Variants in FOLH1 observed in about 807,000 individuals in gnomAD.
FOLH1 encodes glutamate carboxypeptidase 2.
A neutral mutation model predicts 93.9 loss-of-function variants in FOLH1; 54 were observed. The observed-to-expected ratio is 0.57, with a 90% CI of 0.46 to 0.72. FOLH1 has a LOEUF of 0.72. FOLH1 is among the 30% of genes least tolerant of loss of function. FOLH1 has a pLI of 0.00. For missense variants in FOLH1, 571 were observed against 892.5 expected (o/e 0.64, Z 4.59); for synonymous variants, 249 against 303.6 (o/e 0.82, Z 1.87).
chr11:49,186,546 G>A, intron 5 of FOLH1, 98 bp downstream of exon 5: 2 of 1,324,142 alleles, frequency 1.5e-6, no homozygotes, highest in Non-Finnish European at 2.1e-6. Flanking sequence ...GAAAATAATG[G>A]TATTCATAAA....
In FOLH1 at chr11:49,154,518, C is replaced by T. The variant is rs913686306; in HGVS notation, c.1624-26G>A. The T allele has an allele frequency of 3.2e-6, 5 of 1,559,640 alleles. No homozygotes were observed. In the African/African-American group the frequency reaches 6.7e-5, roughly 21 times the overall value. On this transcript the variant is annotated intron_variant, in intron 15 of 18. Coordinates refer to ENST00000256999, the MANE Select transcript of FOLH1 (RefSeq NM_004476.3). Reference sequence around the variant, plus strand: ...CTACAGAAAAAACAACAAAACATATCTCTTATAGGATAGCTTACAAAAAAT... The same window carrying T: ...CTACAGAAAAAACAACAAAACATATTTCTTATAGGATAGCTTACAAAAAAT...
Position 49,154,485 on chromosome 11 carries a change from T to C in FOLH1, c.1631A>G (p.Asn544Ser). Residue 544 changes from asparagine (N) to serine (S), a missense_variant, in exon 16 of 19, where the codon AAC becomes AGC. Physicochemically the swap from Asn to Ser is conservative, Grantham distance 46. Coordinates refer to ENST00000256999, the MANE Select transcript of FOLH1 (RefSeq NM_004476.3). ...ATACAGTGGATAGCCGCTGAATTTG[T>C]TTGTTTCCTACAGAAAAAACAACAA... is the stretch of plus-strand genomic sequence containing the variant. ...RARYTKNWET[N>S]KFSGYPLYHS... The C allele has an allele frequency of 6.4e-7, 1 of 1,571,620 alleles. No individual in the cohort carries two copies. The highest frequency in any genetic ancestry group is 8.6e-7 in the Non-Finnish European group (1 of 1,157,640).
chr11:49,166,883 T>G (rs1227893730), intron 12 of FOLH1, among the ~76,000 whole-genome samples: 1 of 152,078 alleles, frequency 6.6e-6, no homozygotes, highest in Non-Finnish European at 1.5e-5. Context: ...CATTAAAATA[T>G]CAAATCTTAA....
intron 3 of FOLH1, among the ~76,000 whole-genome samples, chr11:49,195,894 G>A (rs1454518329): frequency 1.3e-5 from 2 of 152,158 alleles, no homozygotes; most frequent in African/African-American, 2.4e-5. Context: ...AATGGCTCAC[G>A]CCTGTAATCC....
intron 1 of FOLH1, among the ~76,000 whole-genome samples, chr11:49,207,512 T>G (rs1864110997): frequency 1.3e-5 from 2 of 152,178 alleles, no homozygotes; most frequent in Admixed American, 1.3e-4. Context: ...TGGTGATACC[T>G]TAGACTAGTC....
At chr11:49,194,991 T>C (rs932525993) in intron 3 of FOLH1, among the ~76,000 whole-genome samples, 1 of 151,948 alleles carries the variant, frequency 6.6e-6, no homozygotes, top group African/African-American at 2.4e-5. Context: ...CTCTAATTAA[T>C]AAAGGAAGCA....
intron 13 of FOLH1, among the ~76,000 whole-genome samples, chr11:49,162,003 T>C (rs1857758434): frequency 6.6e-6 from 1 of 152,260 alleles, no homozygotes; most frequent in Non-Finnish European, 1.5e-5. Flanking sequence ...ACTGTTAGGC[T>C]GATGGGCTTC....
chr11:49,158,908 G>T (rs61886488), intron 13 of FOLH1, among the ~76,000 whole-genome samples: 7,045 of 152,076 alleles, frequency 0.046, 203 homozygotes, highest in Non-Finnish European at 0.062. Flanking sequence ...TGAATGAGTG[G>T]TAATTTGTGA....
chr11:49,207,230 A>G (rs1288577389), intron 1 of FOLH1, among the ~76,000 whole-genome samples: 4 of 150,734 alleles, frequency 2.7e-5, no homozygotes, highest in African/African-American at 9.8e-5. Flanking sequence ...AGAGAATCCT[A>G]GTGGGTGGGG....
chr11:49,166,044 AC>A (rs1858363784), intron 12 of FOLH1, among the ~76,000 whole-genome samples: 1 of 152,344 alleles, frequency 6.6e-6, no homozygotes, highest in East Asian at 1.9e-4. Flanking sequence ...ATTAACCACA[AC>A]AAACTGAAGC....
At chr11:49,151,435 C>T (rs1399072256) in intron 17 of FOLH1, among the ~76,000 whole-genome samples, 1 of 152,248 alleles carries the variant, frequency 6.6e-6, no homozygotes, top group African/African-American at 2.4e-5. Context: ...CACAGACACA[C>T]ACACACACAC....
chr11:49,151,889 C>T (rs1193358705), intron 17 of FOLH1, among the ~76,000 whole-genome samples: 1 of 151,998 alleles, frequency 6.6e-6, no homozygotes, highest in Non-Finnish European at 1.5e-5. Context: ...TTATTGTTGA[C>T]TTTTTTACTC....
chr11:49,154,177 G>GCCC, intron 16 of FOLH1, 51 bp downstream of exon 16: 1 of 1,592,244 alleles, frequency 6.3e-7, no homozygotes, highest in Non-Finnish European at 8.6e-7. Flanking sequence ...ATATTTAGGA[G>GCCC]ATTAATAGAA....
chr11:49,196,582 T>C (rs2135284110), intron 3 of FOLH1, among the ~76,000 whole-genome samples: 1 of 151,582 alleles, frequency 6.6e-6, no homozygotes, highest in Admixed American at 6.6e-5. Flanking sequence ...CTAATGCTAA[T>C]ATTACAAGTT....
In FOLH1 at chr11:49,173,352, A is replaced by G; in HGVS notation, c.1225+5T>C. The G allele has an allele frequency of 6.2e-7, 1 of 1,607,862 alleles. No individual in the cohort carries two copies. Among genetic ancestry groups the G allele is most frequent in the Non-Finnish European group, 8.5e-7 (1 of 1,176,486 alleles). ...GTTTTTTTTCTTGCTGTTTGTTTGT[A>G]TTACCTTCCTTTTTCAGTGTTCCAA... On this transcript the variant is annotated splice_donor_5th_base_variant and intron_variant, in intron 10 of 18. Transcript: ENST00000256999.
In FOLH1 at chr11:49,149,538, G is replaced by A. The variant is rs553104289; in HGVS notation, c.1971-807C>T. On this transcript the variant is annotated intron_variant, in intron 17 of 18. Coordinates refer to ENST00000256999, the MANE Select transcript of FOLH1 (RefSeq NM_004476.3). ...AATAGAAAATGTTTGTGGAACACAT[G>A]GCTAGTAGTCCAAATGGAATGTAAC... 1.6e-3 allele frequency among the ~76,000 whole-genome samples: 239 copies of A among 152,180 alleles called. 6 individuals carry two copies. The South Asian group carries it at 0.048, about 31-fold the overall frequency.
chr11:49,208,239 C>T (rs1420220509), intron 1 of FOLH1, 53 bp downstream of exon 1: 29 of 1,308,184 alleles, frequency 2.2e-5, no homozygotes, highest in Non-Finnish European at 2.8e-5. Context: ...AGTCCCAGCA[C>T]CGCGGCACCA....
At chr11:49,169,924 T>G (rs1859021692) in intron 11 of FOLH1, among the ~76,000 whole-genome samples, 1 of 152,070 alleles carries the variant, frequency 6.6e-6, no homozygotes, top group South Asian at 2.1e-4. Flanking sequence ...CAACTGTAAG[T>G]GAAAAAAATA....
chr11:49,148,830 G>A, intron 17 of FOLH1, 99 bp from the exon 18 acceptor site: 2 of 1,089,264 alleles, frequency 1.8e-6, no homozygotes, highest in South Asian at 4.3e-5. Context: ...TATCTCCGGG[G>A]ATTGGTTTCA....
Sources: gnomAD v4.1 joint callset for allele counts (sites outside exome capture counted in the v4.1 genomes callset) on GRCh38, gnomAD v4.1.1 for gene constraint, MANE v1.5 for transcripts, NCBI Gene and HGNC (gene_info 2026-07-23, HGNC 2026-07-21) for gene names.